The following FEZ2 variants were observed in gnomAD, a reference collection of about 807,000 sequenced individuals.
The protein encoded by FEZ2 is fasciculation and elongation protein zeta 2.
A neutral mutation model predicts 40.4 loss-of-function variants in FEZ2; 51 were observed. That is an observed-to-expected ratio of 1.26 (90% CI 1.01 to 1.59). FEZ2 has a LOEUF of 1.59. FEZ2 is among the 40% of genes most tolerant of loss of function. The pLI, the probability that FEZ2 is intolerant of heterozygous loss-of-function variation, is 0.00. For missense variants in FEZ2, 640 were observed against 438.3 expected (o/e 1.46, Z -4.11); for synonymous variants, 242 against 172.0 (o/e 1.41, Z -3.18).
intron 2 of FEZ2, among the ~76,000 whole-genome samples, chr2:36,585,687 A>G (rs1668880947): frequency 2.0e-5 from 3 of 152,356 alleles, no homozygotes; most frequent in African/African-American, 7.2e-5. Flanking sequence ...TAAACATAAT[A>G]TATCATAATG....
intron 7 of FEZ2, among the ~76,000 whole-genome samples, chr2:36,554,433 T>C (rs1017176428): frequency 1.3e-5 from 2 of 152,170 alleles, no homozygotes; most frequent in Non-Finnish European, 2.9e-5. Context: ...AATTAAAATT[T>C]AAGACATGTT....
chr2:36,561,084 C>T (rs910966357), intron 5 of FEZ2, among the ~76,000 whole-genome samples: 1 of 152,210 alleles, frequency 6.6e-6, no homozygotes, highest in Admixed American at 6.5e-5. Flanking sequence ...TTTTATGCTA[C>T]TATATTCATG....
At position 36,560,513 on chromosome 2, in the gene FEZ2, A is replaced by G. The variant is rs111423840; in HGVS notation, c.904-2000T>C. Among the ~76,000 whole-genome samples the G allele has an allele frequency of 8.9e-3, 1,358 of 152,334 alleles. 11 individuals carry two copies. Among genetic ancestry groups the G allele is most frequent in the Non-Finnish European group, 0.015 (995 of 68,022 alleles). On this transcript the variant is annotated intron_variant, in intron 5 of 7. Coordinates refer to ENST00000405912, the MANE Select transcript of FEZ2 (RefSeq NM_005102.3). Reference sequence around the variant, plus strand: ...TGCAATACATTATGTTAAAATGTTAATATTTGTTTAAAACTAAGAGTGAAA... The same window carrying G: ...TGCAATACATTATGTTAAAATGTTAGTATTTGTTTAAAACTAAGAGTGAAA...
intron 5 of FEZ2, among the ~76,000 whole-genome samples, chr2:36,574,664 C>G (rs1037255656): frequency 1.3e-5 from 2 of 151,844 alleles, no homozygotes; most frequent in Non-Finnish European, 2.9e-5. Flanking sequence ...AAAAAATCCC[C>G]CAAGTGGACA....
intron 5 of FEZ2, among the ~76,000 whole-genome samples, chr2:36,564,112 G>A (rs1379484633): frequency 1.3e-5 from 2 of 152,150 alleles, no homozygotes; most frequent in East Asian, 1.9e-4. Flanking sequence ...TCAGTAAAGT[G>A]CTAAGAACAG....
intron 5 of FEZ2, among the ~76,000 whole-genome samples, chr2:36,575,021 G>C (rs1006986939): frequency 3.4e-4 from 51 of 152,166 alleles, no homozygotes; most frequent in African/African-American, 1.2e-3. Flanking sequence ...CTTCCCAACA[G>C]CATCACCATC....
At chr2:36,557,807 T>A (rs1667994070) in intron 6 of FEZ2, 1 of 152,146 alleles carries the variant, frequency 6.6e-6, no homozygotes, top group Non-Finnish European at 1.5e-5. Flanking sequence ...GCGGCCATCA[T>A]AAGAGATACT....
chr2:36,595,320 G>C (rs1269751771), intron 1 of FEZ2, among the ~76,000 whole-genome samples: 3 of 151,976 alleles, frequency 2.0e-5, no homozygotes. Flanking sequence ...CCCTGAGCTT[G>C]TTTTCCTGCA....
chr2:36,570,952 TAAC>T (rs1211025968), intron 5 of FEZ2, among the ~76,000 whole-genome samples: 1 of 152,182 alleles, frequency 6.6e-6, no homozygotes, highest in Non-Finnish European at 1.5e-5. Flanking sequence ...TTGTTTATAT[TAAC>T]AATGACCTCT....
intron 2 of FEZ2, chr2:36,589,865 C>T (rs557000268): frequency 1.3e-5 from 2 of 152,204 alleles, no homozygotes; most frequent in Non-Finnish European, 2.9e-5. Context: ...GCACTATATT[C>T]TCAATAATCA....
chr2:36,590,908 T>C lies in FEZ2; in HGVS notation c.370A>G (p.Lys124Glu), dbSNP rs1158805536. ...LHLLTLNLSE[K>E]GVSDSLLFDT... Reference sequence around the variant, plus strand: ...TGGTTCAATTCCTAACTTACCCCTTTTTCTGAGAGGTTCAGAGTAAGCAAG... The same window carrying C: ...TGGTTCAATTCCTAACTTACCCCTTCTTCTGAGAGGTTCAGAGTAAGCAAG... The change falls in exon 2 of 8, where the codon AAA becomes GAA. Residue 124 changes from lysine to glutamate, a missense_variant. Physicochemically the swap from Lys to Glu is moderately conservative, Grantham distance 56. Coordinates refer to ENST00000405912, the MANE Select transcript of FEZ2 (RefSeq NM_005102.3). 1 of 1,584,826 alleles carries C rather than the reference T, an allele frequency of 6.3e-7. No individual in the cohort carries two copies. The highest frequency in any genetic ancestry group is 2.2e-5 in the East Asian group (1 of 44,786).
chr2:36,577,582 G>T (rs1340153061), intron 5 of FEZ2, among the ~76,000 whole-genome samples: 7 of 152,212 alleles, frequency 4.6e-5, no homozygotes, highest in African/African-American at 1.7e-4. Flanking sequence ...AGATACAAAT[G>T]AACATTACAC....
In FEZ2 at chr2:36,558,314, A is replaced by C. The variant is rs900252864; in HGVS notation, c.979+124T>G. 9.6e-6 allele frequency: 5 copies of C among 519,368 alleles called. No homozygotes were observed. The Admixed American group carries it at 1.5e-4, about 15-fold the overall frequency. 32.2% of individuals were successfully genotyped at this position (519,368 alleles called of 1,614,324 possible). A position where few individuals can be genotyped will look rare whatever the true frequency, so the allele number is the denominator to read the frequency against. On this transcript the variant is annotated intron_variant, in intron 6 of 7. Transcript: ENST00000405912. Reference sequence around the variant, plus strand: ...GGCTTCATTCTTATAAAAATAAACAATTATATGCATCATTTACATCCTAAA... The same window carrying C: ...GGCTTCATTCTTATAAAAATAAACACTTATATGCATCATTTACATCCTAAA...
intron 2 of FEZ2, among the ~76,000 whole-genome samples, chr2:36,589,208 T>TA (rs1226438939): frequency 6.6e-6 from 1 of 152,068 alleles, no homozygotes; most frequent in Non-Finnish European, 1.5e-5. Flanking sequence ...CCCAGAAACA[T>TA]ATGATTAACA....
intron 7 of FEZ2, among the ~76,000 whole-genome samples, chr2:36,553,459 T>C (rs991828907): frequency 3.9e-5 from 6 of 152,108 alleles, no homozygotes; most frequent in African/African-American, 1.4e-4. Flanking sequence ...CCCTATACCA[T>C]GAGGCTTGTG....
intron 2 of FEZ2, among the ~76,000 whole-genome samples, chr2:36,583,711 C>T (rs1668823128): frequency 6.6e-6 from 1 of 151,980 alleles, no homozygotes; most frequent in African/African-American, 2.4e-5. Flanking sequence ...TAAAAGCTGA[C>T]AGATATGCAG....
intron 5 of FEZ2, among the ~76,000 whole-genome samples, chr2:36,568,721 G>A (rs1352130845): frequency 6.6e-6 from 1 of 152,142 alleles, no homozygotes; most frequent in Non-Finnish European, 1.5e-5. Context: ...AAAGTAATGT[G>A]GCAAGGACGG....
chr2:36,596,197 G>C (rs1015172240), intron 1 of FEZ2, among the ~76,000 whole-genome samples: 1 of 152,162 alleles, frequency 6.6e-6, no homozygotes, highest in African/African-American at 2.4e-5. Flanking sequence ...ACTGTACTGA[G>C]GAACCAATAA....
intron 5 of FEZ2, among the ~76,000 whole-genome samples, chr2:36,573,334 A>T (rs931658730): frequency 4.6e-5 from 7 of 152,230 alleles, no homozygotes; most frequent in African/African-American, 1.4e-4. Flanking sequence ...TGCAGATAAC[A>T]CTAGATGAAC....
Sources: allele counts gnomAD v4.1 joint callset (sites outside exome capture counted in the v4.1 genomes callset), GRCh38; gene constraint gnomAD v4.1.1; transcripts MANE v1.5; gene names NCBI Gene and HGNC (gene_info 2026-07-23, HGNC 2026-07-21).